The following STK3 variants were observed in gnomAD, a reference collection of about 807,000 sequenced individuals.
STK3 encodes serine/threonine kinase 3, also known as serine/threonine-protein kinase 3.
In STK3, 41 loss-of-function variants were observed where a neutral mutation model predicts 58.0. The ratio of observed to expected loss-of-function variants is 0.71; its 90% CI spans 0.55 to 0.92. The LOEUF is 0.92. Ranked by LOEUF, STK3 falls within the 40% of genes least tolerant of loss-of-function variation. The pLI, the probability that STK3 is intolerant of heterozygous loss-of-function variation, is 0.00. For missense variants in STK3, 479 were observed against 602.7 expected, an observed-to-expected ratio of 0.79 and a Z score of 2.15; for synonymous variants, 170 against 191.0, an observed-to-expected ratio of 0.89 and a Z score of 0.91.
At chr8:98,892,091 C>T (rs1022127487) in intron 1 of STK3, among the ~76,000 whole-genome samples, 1 of 152,136 alleles carries the variant, frequency 6.6e-6, no homozygotes, top group Non-Finnish European at 1.5e-5. Context: ...AAAATCTATG[C>T]TATAGACCCA....
At chr8:98,563,770 A>T (rs1372030599) in intron 8 of STK3, among the ~76,000 whole-genome samples, 2 of 152,204 alleles carry the variant, frequency 1.3e-5, no homozygotes, top group African/African-American at 2.4e-5. Flanking sequence ...GGAACAATTT[A>T]AGCAAAATAA....
At chr8:98,511,960 T>A (rs115882742) in intron 10 of STK3, among the ~76,000 whole-genome samples, 3,826 of 152,202 alleles carry the variant, frequency 0.025, 151 homozygotes, top group African/African-American at 0.083. Flanking sequence ...TTGCATAATT[T>A]TTTTTTTAAA....
chr8:98,591,203 T>C (rs1448524053), intron 7 of STK3, among the ~76,000 whole-genome samples: 2 of 152,242 alleles, frequency 1.3e-5, no homozygotes, highest in African/African-American at 4.8e-5. Context: ...GAGGTATTAA[T>C]AAGTCCCAGC....
intron 3 of STK3, among the ~76,000 whole-genome samples, chr8:98,407,714 ATGTG>A (rs6150725): frequency 0.062 from 8,529 of 136,894 alleles, 371 homozygotes; most frequent in African/African-American, 0.13. Flanking sequence ...AGATGAGTGC[ATGTG>A]TGTGTGTGTG....
At chr8:98,564,289 C>A (rs1055627187) in intron 8 of STK3, among the ~76,000 whole-genome samples, 5 of 152,138 alleles carry the variant, frequency 3.3e-5, no homozygotes, top group Admixed American at 3.3e-4. Flanking sequence ...ACATCATGAA[C>A]CCTTTCTGTG....
Position 98,741,014 on chromosome 8 carries a change from G to C in STK3, c.351+8262C>G, listed in dbSNP as rs547251249. ...AGACAAAGAAGGCCATTACATAATG[G>C]TAGAGGGATCAATTCAACAAGAAGA... On this transcript the variant is annotated intron_variant, in intron 4 of 10. Transcript: ENST00000419617. Among the ~76,000 whole-genome samples, 44 of 152,296 alleles carry C rather than the reference G, an allele frequency of 2.9e-4. 1 individual carries two copies. The South Asian group carries it at 8.7e-3, about 30-fold the overall frequency.
At chr8:98,843,613 A>G (rs779412860) in intron 3 of STK3, among the ~76,000 whole-genome samples, 56 of 152,172 alleles carry the variant, frequency 3.7e-4, no homozygotes, top group Non-Finnish European at 6.9e-4. Context: ...ATGCTTCCAC[A>G]ACCTCTTCTT....
At chr8:98,577,036 T>G (rs1465840087) in intron 8 of STK3, among the ~76,000 whole-genome samples, 1 of 152,210 alleles carries the variant, frequency 6.6e-6, no homozygotes. Flanking sequence ...TCATAATGCT[T>G]TCTTATCAAA....
the STK3 span, among the ~76,000 whole-genome samples, chr8:98,363,348 C>T: frequency 6.6e-5 from 10 of 152,216 alleles, no homozygotes; most frequent in African/African-American, 2.4e-4. Context: ...TGGAAATGCA[C>T]CCCCAGAAAA....
At chr8:98,935,604 G>A (rs1840166636) in intron 1 of STK3, among the ~76,000 whole-genome samples, 1 of 152,144 alleles carries the variant, frequency 6.6e-6, no homozygotes, top group African/African-American at 2.4e-5. Flanking sequence ...ATAATATAAT[G>A]CATGGTACTG....
chr8:98,874,741 C>T (rs1837503990), intron 3 of STK3, among the ~76,000 whole-genome samples: 1 of 151,810 alleles, frequency 6.6e-6, no homozygotes, highest in Non-Finnish European at 1.5e-5. Context: ...ATCCTCTCAC[C>T]TCAGCCTCCC....
chr8:98,620,928 T>G (rs1294067349), intron 6 of STK3, among the ~76,000 whole-genome samples: 3 of 146,768 alleles, frequency 2.0e-5, no homozygotes, highest in Non-Finnish European at 4.5e-5. Flanking sequence ...ACAACTGATT[T>G]TTTTTTTTTT....
At chr8:98,842,554 T>G (rs142888427) in intron 3 of STK3, among the ~76,000 whole-genome samples, 4,046 of 152,126 alleles carry the variant, frequency 0.027, 208 homozygotes, top group African/African-American at 0.092. Context: ...GGCATGCGCC[T>G]GTAGTCCCAG....
intron 3 of STK3, among the ~76,000 whole-genome samples, chr8:98,755,894 C>T (rs1332726259): frequency 6.6e-6 from 1 of 152,154 alleles, no homozygotes; most frequent in Non-Finnish European, 1.5e-5. Context: ...GTAATCCCAG[C>T]ACTTTGGGAG....
chr8:98,576,155 T>C (rs961831802), intron 8 of STK3, among the ~76,000 whole-genome samples: 3 of 152,210 alleles, frequency 2.0e-5, no homozygotes, highest in Middle Eastern at 6.3e-3. Context: ...GTTGAAGAGA[T>C]TGTTCTTTTC....
At chr8:98,546,217 A>G (rs2131577498) in intron 9 of STK3, among the ~76,000 whole-genome samples, 1 of 152,312 alleles carries the variant, frequency 6.6e-6, no homozygotes, top group South Asian at 2.1e-4. Flanking sequence ...CAAAATTATA[A>G]CATGTATTGA....
At chr8:98,694,241 A>G (rs181749088) in intron 6 of STK3, among the ~76,000 whole-genome samples, 131 of 152,336 alleles carry the variant, frequency 8.6e-4, no homozygotes, top group African/African-American at 2.9e-3. Context: ...TTTTGAAAAC[A>G]TCATTCATCA....
intron 1 of STK3, among the ~76,000 whole-genome samples, chr8:98,891,195 G>A (rs1838187419): frequency 6.6e-6 from 1 of 152,236 alleles, no homozygotes; most frequent in South Asian, 2.1e-4. Context: ...ACCGCATGGT[G>A]CAGCTGTTGT....
intron 3 of STK3, among the ~76,000 whole-genome samples, chr8:98,759,992 TC>T (rs1830519965): frequency 6.6e-6 from 1 of 152,146 alleles, no homozygotes; most frequent in Admixed American, 6.5e-5. Flanking sequence ...GTAAATGCTA[TC>T]CAAATAATTG....
Sources: gnomAD v4.1 joint callset for allele counts (sites outside exome capture counted in the v4.1 genomes callset) on GRCh38, gnomAD v4.1.1 for gene constraint, MANE v1.5 for transcripts, NCBI Gene and HGNC (gene_info 2026-07-23, HGNC 2026-07-21) for gene names.